QTMAN: variants seen among roughly 807,000 people sequenced by gnomAD.
The protein encoded by QTMAN is queuosine-tRNA mannosyltransferase, also known as tRNA-queuosine alpha-mannosyltransferase.
At chr2:144,010,764 G>T in the QTMAN span, among the ~76,000 whole-genome samples, 1 of 152,076 alleles carries the variant, frequency 6.6e-6, no homozygotes, top group African/African-American at 2.4e-5. Flanking sequence ...AGCTAACTAT[G>T]AATAGCCTGG....
the QTMAN span, among the ~76,000 whole-genome samples, chr2:144,170,721 T>C: frequency 6.6e-6 from 1 of 151,958 alleles, no homozygotes; most frequent in South Asian, 2.1e-4. Flanking sequence ...TTGCGAGACA[T>C]ACAGATTCAA....
chr2:143,995,017 T>G, the QTMAN span, among the ~76,000 whole-genome samples: 1 of 152,182 alleles, frequency 6.6e-6, no homozygotes, highest in Non-Finnish European at 1.5e-5. Flanking sequence ...AAATCTTTAG[T>G]GAAGGCTCAT....
At chr2:144,310,450 C>T in the QTMAN span, among the ~76,000 whole-genome samples, 4 of 152,140 alleles carry the variant, frequency 2.6e-5, no homozygotes, top group Non-Finnish European at 5.9e-5. Context: ...CTTTGAAGAA[C>T]GACAGGATTT....
At chr2:144,276,911 C>A in the QTMAN span, among the ~76,000 whole-genome samples, 33 of 152,106 alleles carry the variant, frequency 2.2e-4, no homozygotes, top group Non-Finnish European at 4.0e-4. Context: ...TATATCAATA[C>A]TTATAATTTG....
At chr2:144,271,080 G>A in the QTMAN span, among the ~76,000 whole-genome samples, 2 of 152,042 alleles carry the variant, frequency 1.3e-5, no homozygotes, top group African/African-American at 4.8e-5. Flanking sequence ...ATTCTTATTA[G>A]TTTTTTCCCC....
chr2:144,320,757 A>G, the QTMAN span, among the ~76,000 whole-genome samples: 1 of 152,224 alleles, frequency 6.6e-6, no homozygotes, highest in Non-Finnish European at 1.5e-5. Context: ...GAACTATGCC[A>G]GCTGATCATC....
chr2:144,258,795 T>C, the QTMAN span, among the ~76,000 whole-genome samples: 1 of 152,132 alleles, frequency 6.6e-6, no homozygotes, highest in African/African-American at 2.4e-5. Flanking sequence ...AATGGAGATA[T>C]GTGTTAGTAT....
the QTMAN span, among the ~76,000 whole-genome samples, chr2:144,303,616 T>TA: frequency 6.6e-6 from 1 of 152,208 alleles, no homozygotes; most frequent in Non-Finnish European, 1.5e-5. Flanking sequence ...ATAAAACACT[T>TA]AGATACATGC....
the QTMAN span, among the ~76,000 whole-genome samples, chr2:143,972,481 G>C: frequency 1.3e-4 from 20 of 151,778 alleles, no homozygotes; most frequent in South Asian, 2.1e-4. Flanking sequence ...TAAAGTAAAA[G>C]TAGATGAGGT....
the QTMAN span, among the ~76,000 whole-genome samples, chr2:144,288,853 GC>G: frequency 6.6e-6 from 1 of 151,982 alleles, no homozygotes; most frequent in Non-Finnish European, 1.5e-5. Context: ...TACACCCCAA[GC>G]CCCTGGTGCA....
chr2:144,160,596 C>T, the QTMAN span, among the ~76,000 whole-genome samples: 4 of 152,158 alleles, frequency 2.6e-5, no homozygotes, highest in East Asian at 1.9e-4. Flanking sequence ...GTAACTTATG[C>T]GCAGAACCAG....
At chr2:143,985,468 A>G in the QTMAN span, among the ~76,000 whole-genome samples, 1 of 152,154 alleles carries the variant, frequency 6.6e-6, no homozygotes, top group Non-Finnish European at 1.5e-5. Context: ...ACAAGAAATA[A>G]TTTTCTTTTG....
chr2:144,305,062 T>C, the QTMAN span, among the ~76,000 whole-genome samples: 6 of 152,330 alleles, frequency 3.9e-5, no homozygotes, highest in African/African-American at 1.4e-4. Flanking sequence ...TTTTTTCACT[T>C]TATTTTTGAT....
chr2:144,090,966 A>T, the QTMAN span, among the ~76,000 whole-genome samples: 1 of 152,116 alleles, frequency 6.6e-6, no homozygotes, highest in East Asian at 1.9e-4. Flanking sequence ...TAGAATAATC[A>T]TCATCAGTGT....
the QTMAN span, among the ~76,000 whole-genome samples, chr2:144,293,947 T>TTTA: frequency 6.6e-6 from 1 of 152,188 alleles, no homozygotes; most frequent in African/African-American, 2.4e-5. Flanking sequence ...ATGGCTCTAT[T>TTTA]TTATAAGTAC....
At chr2:144,230,571 C>T in the QTMAN span, among the ~76,000 whole-genome samples, 1 of 151,938 alleles carries the variant, frequency 6.6e-6, no homozygotes, top group Non-Finnish European at 1.5e-5. Flanking sequence ...AAAAAAAACA[C>T]TTTTACAGGG....
the QTMAN span, among the ~76,000 whole-genome samples, chr2:144,216,107 T>G: frequency 2.0e-4 from 31 of 152,182 alleles, no homozygotes; most frequent in African/African-American, 7.2e-4. Context: ...CAGAGCTGTT[T>G]TAGACTCTTA....
At chr2:144,096,444 G>C in the QTMAN span, among the ~76,000 whole-genome samples, 1 of 152,190 alleles carries the variant, frequency 6.6e-6, no homozygotes, top group Non-Finnish European at 1.5e-5. Context: ...CAAAAAGGAA[G>C]ACACTGTAGA....
chr2:143,952,220 A>G, the QTMAN span: 1 of 611,262 alleles, frequency 1.6e-6, no homozygotes, highest in South Asian at 2.0e-5. Context: ...AGGTTACCTC[A>G]GCTCACAAGG....
Sources: allele counts gnomAD v4.1 joint callset (sites outside exome capture counted in the v4.1 genomes callset), GRCh38; gene constraint gnomAD v4.1.1; transcripts MANE v1.5; gene names NCBI Gene and HGNC (gene_info 2026-07-23, HGNC 2026-07-21).